Variants in SKIC3 observed in about 807,000 individuals in gnomAD.
SKIC3 encodes the protein SKI3 subunit of superkiller complex.
At chr5:95,548,484 AC>A in the SKIC3 span, 2 of 152,060 alleles carry the variant, frequency 1.3e-5, no homozygotes, top group Non-Finnish European at 2.9e-5. Flanking sequence ...CAGATAAGTA[AC>A]TTTTTTGCCT....
chr5:95,517,225 G>T, the SKIC3 span: 1 of 1,613,242 alleles, frequency 6.2e-7, no homozygotes, highest in Non-Finnish European at 8.5e-7. Context: ...CCTAAAACAT[G>T]AACATTCACT....
At chr5:95,520,803 T>C in the SKIC3 span, 1 of 1,612,042 alleles carries the variant, frequency 6.2e-7, no homozygotes, top group Non-Finnish European at 8.5e-7. Context: ...CATCATAAGA[T>C]GGCATTCACC....
At chr5:95,500,146 C>T in the SKIC3 span, among the ~76,000 whole-genome samples, 1 of 152,010 alleles carries the variant, frequency 6.6e-6, no homozygotes, top group African/African-American at 2.4e-5. Flanking sequence ...TTTTAAAAGG[C>T]GCTGGGATTC....
At chr5:95,528,132 G>C in the SKIC3 span, 3 of 1,613,702 alleles carry the variant, frequency 1.9e-6, no homozygotes, top group Non-Finnish European at 2.5e-6. Context: ...GACGCACCAA[G>C]ATTATCTACG....
At chr5:95,499,379 T>C in the SKIC3 span, among the ~76,000 whole-genome samples, 1 of 152,138 alleles carries the variant, frequency 6.6e-6, no homozygotes, top group Non-Finnish European at 1.5e-5. Flanking sequence ...CATGCCTGCT[T>C]CCCCTTCACT....
chr5:95,529,215 A>C, the SKIC3 span: 27 of 869,572 alleles, frequency 3.1e-5, no homozygotes, highest in Non-Finnish European at 4.0e-5. Flanking sequence ...CTCATATCTC[A>C]TCAGTCACAA....
the SKIC3 span, chr5:95,517,171 T>G: frequency 6.2e-7 from 1 of 1,613,346 alleles, no homozygotes; most frequent in African/African-American, 1.3e-5. Flanking sequence ...AGGAGCTCAT[T>G]TTTCTTTAAT....
At chr5:95,534,873 CT>C in the SKIC3 span, among the ~76,000 whole-genome samples, 18 of 152,206 alleles carry the variant, frequency 1.2e-4, no homozygotes, top group Admixed American at 2.6e-4. Context: ...GATCTCTCAT[CT>C]GCAAACCACT....
At chr5:95,471,478 C>A in the SKIC3 span, among the ~76,000 whole-genome samples, 1 of 152,138 alleles carries the variant, frequency 6.6e-6, no homozygotes, top group African/African-American at 2.4e-5. Flanking sequence ...ACATTAGGCC[C>A]CATGAGTCTT....
the SKIC3 span, among the ~76,000 whole-genome samples, chr5:95,553,928 CAGAT>C: frequency 6.6e-6 from 1 of 152,228 alleles, no homozygotes; most frequent in Non-Finnish European, 1.5e-5. Flanking sequence ...GCTACACTAA[CAGAT>C]AAACTAACTG....
the SKIC3 span, among the ~76,000 whole-genome samples, chr5:95,546,207 A>ATT: frequency 6.6e-6 from 1 of 152,066 alleles, no homozygotes; most frequent in South Asian, 2.1e-4. Context: ...AACCTGAGAA[A>ATT]CTGAATACAA....
chr5:95,492,060 T>C, the SKIC3 span, among the ~76,000 whole-genome samples: 6 of 152,294 alleles, frequency 3.9e-5, no homozygotes, highest in South Asian at 8.3e-4. Context: ...ATTACAAGAA[T>C]CATTAAAATC....
At chr5:95,539,968 C>T in the SKIC3 span, among the ~76,000 whole-genome samples, 1 of 151,922 alleles carries the variant, frequency 6.6e-6, no homozygotes, top group Admixed American at 6.6e-5. Flanking sequence ...ATGTTTATAG[C>T]GGCACAAGTC....
chr5:95,471,101 C>G, the SKIC3 span, among the ~76,000 whole-genome samples: 1 of 152,084 alleles, frequency 6.6e-6, no homozygotes, highest in Non-Finnish European at 1.5e-5. Context: ...TAAGAGGAAG[C>G]TATAATGAAT....
chr5:95,535,325 T>C, the SKIC3 span, among the ~76,000 whole-genome samples: 1 of 147,684 alleles, frequency 6.8e-6, no homozygotes, highest in African/African-American at 2.5e-5. Flanking sequence ...TTTTTTTTTT[T>C]TTTTTTGAGG....
At chr5:95,507,926 A>G in the SKIC3 span, among the ~76,000 whole-genome samples, 1,153 of 137,712 alleles carry the variant, frequency 8.4e-3, 12 homozygotes, top group Middle Eastern at 0.03. Context: ...ATAACGATAC[A>G]TACCAAAAAA....
the SKIC3 span, chr5:95,470,001 G>T: frequency 1.2e-5 from 17 of 1,439,110 alleles, no homozygotes; most frequent in Non-Finnish European, 1.6e-5. Context: ...TTTTGAGACG[G>T]AGTCTCGCTC....
At chr5:95,548,018 A>G in the SKIC3 span, among the ~76,000 whole-genome samples, 1 of 152,242 alleles carries the variant, frequency 6.6e-6, no homozygotes, top group Middle Eastern at 3.4e-3. Flanking sequence ...TTTAATTAGT[A>G]GAGAAAGTAT....
At chr5:95,494,711 G>A in the SKIC3 span, 4 of 1,613,516 alleles carry the variant, frequency 2.5e-6, no homozygotes, top group African/African-American at 2.7e-5. Flanking sequence ...CTTCTGAATG[G>A]TCTTTAGTGC....
Sources: gnomAD v4.1 joint callset for allele counts (sites outside exome capture counted in the v4.1 genomes callset) on GRCh38, gnomAD v4.1.1 for gene constraint, MANE v1.5 for transcripts, NCBI Gene and HGNC (gene_info 2026-07-23, HGNC 2026-07-21) for gene names.